Variants in VDR observed in about 807,000 individuals in gnomAD.
VDR encodes the protein vitamin D receptor.
VDR carries 19 observed loss-of-function variants against 39.7 expected under a neutral mutation model. That is an observed-to-expected ratio of 0.48 (90% confidence interval 0.33 to 0.70). The LOEUF (loss-of-function observed/expected upper bound fraction) is 0.70. Ranked by LOEUF, VDR falls within the 30% of genes least tolerant of loss-of-function variation. The pLI, the probability that VDR is intolerant of heterozygous loss-of-function variation, is 0.02. For synonymous variants in VDR, 242 were observed against 215.8 expected (o/e 1.12, Z -1.07); for missense variants, 442 against 570.5 (o/e 0.77, Z 2.29).
chr12:47,859,907 T>C (rs1399351724), intron 4 of VDR, among the ~76,000 whole-genome samples: 13 of 44,962 alleles, frequency 2.9e-4, no homozygotes, highest in African/African-American at 1.7e-3. Context: ...CCTTCCTTCC[T>C]TCCTTCCTTC....
intron 6 of VDR, 133 bp downstream of exon 6, chr12:47,856,996 C>A: frequency 4.3e-6 from 6 of 1,401,848 alleles, no homozygotes; most frequent in Non-Finnish European, 5.9e-6. Flanking sequence ...GAAGACGCTG[C>A]ATAGCGCACA....
At chr12:47,846,249 G>A (rs776999905) in intron 9 of VDR, 86 bp downstream of exon 9, 12 of 1,158,732 alleles carry the variant, frequency 1.0e-5, no homozygotes, top group Non-Finnish European at 1.3e-5. Context: ...CTCCCTTCAG[G>A]TTGCCCAGCT....
At chr12:47,874,866 C>T (rs1945968973) in intron 3 of VDR, among the ~76,000 whole-genome samples, 1 of 152,198 alleles carries the variant, frequency 6.6e-6, no homozygotes, top group Non-Finnish European at 1.5e-5. Context: ...GGATCATCCA[C>T]TATATATGTC....
In VDR at chr12:47,855,339, A is replaced by AAAAT. The variant is rs11574093; in HGVS notation, c.755+287_755+290dup. On this transcript the variant is annotated intron_variant, in intron 7 of 9. Coordinates refer to ENST00000549336, the MANE Select transcript of VDR (RefSeq NM_000376.3). ...CGAGAATCTGTCTGGAAAAAAAATA[A>AAAAT]AAATAAATAAATAAATAAATAAATA... is the stretch of plus-strand genomic sequence containing the variant. Among the ~76,000 whole-genome samples, 16,429 of 146,458 alleles carry AAAAT rather than the reference A, an allele frequency of 0.11. 1,034 individuals carry two copies. Among genetic ancestry groups the AAAAT allele is most frequent in the East Asian group, 0.23 (1,136 of 5,008 alleles).
At chr12:47,887,422 C>A (rs1177248230) in intron 1 of VDR, among the ~76,000 whole-genome samples, 1 of 151,922 alleles carries the variant, frequency 6.6e-6, no homozygotes, top group Admixed American at 6.5e-5. Flanking sequence ...ACACTAAGCC[C>A]TAAGACACTT....
chr12:47,849,422 T>C (rs368083699), intron 7 of VDR, among the ~76,000 whole-genome samples: 7 of 152,184 alleles, frequency 4.6e-5, no homozygotes, highest in African/African-American at 1.7e-4. Flanking sequence ...AGCCATGGGG[T>C]TGTTAGCGCC....
At chr12:47,883,137 A>G (rs1711889770) in intron 1 of VDR, among the ~76,000 whole-genome samples, 1 of 151,902 alleles carries the variant, frequency 6.6e-6, no homozygotes, top group Non-Finnish European at 1.5e-5. Flanking sequence ...GGAGACCCAC[A>G]CTCTCACTAC....
chr12:47,854,883 T>C (rs895056158), intron 7 of VDR, among the ~76,000 whole-genome samples: 2 of 152,256 alleles, frequency 1.3e-5, no homozygotes, highest in African/African-American at 2.4e-5. Flanking sequence ...GGGTAGGGTC[T>C]GAATCTCTAT....
At chr12:47,903,016 C>G (rs1409762194) in intron 1 of VDR, among the ~76,000 whole-genome samples, 2 of 152,176 alleles carry the variant, frequency 1.3e-5, no homozygotes, top group African/African-American at 2.4e-5. Context: ...TACTGAGAAA[C>G]CATAAACACA....
In VDR at chr12:47,844,922, G is replaced by C. The variant is rs770566299; in HGVS notation, c.1108C>G (p.Arg370Gly). The C allele has an allele frequency of 1.3e-5, 21 of 1,614,098 alleles. No homozygotes were observed. The highest frequency in any genetic ancestry group is 1.6e-5 in the Non-Finnish European group (19 of 1,179,992). ...AGGTGGCTGCCCGGGGGCGGGTGGC[G>C]GCAGCGGATGTACGTCTGCAGTGTG... is the stretch of plus-strand genomic sequence containing the variant. ...SNTLQTYIRC[R>G]HPPPGSHLLY... Residue 370 changes from arginine to glycine, a missense_variant, in exon 10 of 10, where the codon CGC becomes GGC. This residue lies in a region of VDR where 173 missense variants were observed against 252.0 expected (regional missense o/e 0.69). Coordinates refer to ENST00000549336, the MANE Select transcript of VDR (RefSeq NM_000376.3).
At chr12:47,881,338 A>G (rs1946146613) in intron 2 of VDR, among the ~76,000 whole-genome samples, 1 of 152,158 alleles carries the variant, frequency 6.6e-6, no homozygotes, top group African/African-American at 2.4e-5. Context: ...GGACACTGGG[A>G]ATACAAGTGG....
intron 2 of VDR, among the ~76,000 whole-genome samples, chr12:47,881,122 A>ACG (rs1946142988): frequency 6.6e-6 from 1 of 151,314 alleles, no homozygotes; most frequent in Non-Finnish European, 1.5e-5. Flanking sequence ...ATATATATAC[A>ACG]CACACATATA....
chr12:47,864,595 C>T lies in VDR; in HGVS notation c.277+452G>A, dbSNP rs968334140. 2.6e-5 allele frequency among the ~76,000 whole-genome samples: 4 copies of T among 152,356 alleles called. 1 individual carries two copies. The highest frequency in any genetic ancestry group is 6.8e-3 in the Middle Eastern group (2 of 294). On this transcript the variant is annotated intron_variant, in intron 4 of 9. Transcript: ENST00000549336. ...ATACTAATTCTCCCCATCACTCCTGCCCTTCCTAACCCACATCAGCCCTCT... is the reference window on the plus strand; with the variant it reads ...ATACTAATTCTCCCCATCACTCCTGTCCTTCCTAACCCACATCAGCCCTCT...
intron 1 of VDR, among the ~76,000 whole-genome samples, chr12:47,891,280 G>A (rs1946364376): frequency 6.6e-6 from 1 of 152,204 alleles, no homozygotes; most frequent in South Asian, 2.1e-4. Flanking sequence ...CTCAGTTCTT[G>A]TGTGGGGATC....
At chr12:47,858,085 T>TGC (rs2137148251) in intron 4 of VDR, among the ~76,000 whole-genome samples, 1 of 148,804 alleles carries the variant, frequency 6.7e-6, no homozygotes. Context: ...TGTGTGTGTG[T>TGC]GTCTGTGTGT....
chr12:47,855,544 A>C, intron 7 of VDR, 86 bp downstream of exon 7: 2 of 1,484,384 alleles, frequency 1.3e-6, no homozygotes, highest in East Asian at 2.3e-5. Flanking sequence ...AAAAAAAAGA[A>C]GTGGTGGATG....
intron 2 of VDR, among the ~76,000 whole-genome samples, chr12:47,880,671 T>G (rs2137207418): frequency 6.6e-6 from 1 of 152,202 alleles, no homozygotes; most frequent in Non-Finnish European, 1.5e-5. Context: ...CCTGGAAACC[T>G]TAATGTATTA....
chr12:47,865,293 G>A (rs1314400589), intron 3 of VDR, 116 bp from the exon 4 acceptor site: 1 of 1,508,250 alleles, frequency 6.6e-7, no homozygotes, highest in Non-Finnish European at 9.1e-7. Flanking sequence ...CAGAAGACAT[G>A]AGGCCCACCC....
intron 7 of VDR, among the ~76,000 whole-genome samples, chr12:47,851,908 T>C (rs1003167535): frequency 3.3e-5 from 5 of 152,186 alleles, no homozygotes; most frequent in Non-Finnish European, 7.3e-5. Flanking sequence ...TGTACCTCAC[T>C]TTAGCCATGA....
Sources: allele counts gnomAD v4.1 joint callset (sites outside exome capture counted in the v4.1 genomes callset), GRCh38; gene constraint gnomAD v4.1.1; regional missense constraint gnomAD v4.1.1; transcripts MANE v1.5; gene names NCBI Gene and HGNC (gene_info 2026-07-23, HGNC 2026-07-21).